Variants in GALNTL6 observed in about 807,000 individuals in gnomAD.
GALNTL6 encodes the protein polypeptide N-acetylgalactosaminyltransferase-like 6.
In GALNTL6, 46 loss-of-function variants were observed where a neutral mutation model predicts 73.7. The ratio of observed to expected loss-of-function variants is 0.62; its 90% CI spans 0.49 to 0.80. The LOEUF (loss-of-function observed/expected upper bound fraction) is 0.80, where lower values mean the gene tolerates loss of function less well. GALNTL6 is among the 30% of genes least tolerant of loss of function. The pLI, the probability that GALNTL6 is intolerant of heterozygous loss-of-function variation, is 0.00. For missense variants in GALNTL6, 604 were observed against 755.0 expected (o/e 0.80, Z 2.34); for synonymous variants, 259 against 263.7 (o/e 0.98, Z 0.17).
chr4:172,527,324 A>G (rs1417072990), intron 5 of GALNTL6, among the ~76,000 whole-genome samples: 2 of 152,286 alleles, frequency 1.3e-5, no homozygotes, highest in East Asian at 3.9e-4. Flanking sequence ...CACTGACCCT[A>G]GGTTACAGAG....
chr4:172,576,395 A>G (rs1207439866), intron 5 of GALNTL6, among the ~76,000 whole-genome samples: 1 of 152,224 alleles, frequency 6.6e-6, no homozygotes, highest in Non-Finnish European at 1.5e-5. Context: ...GAATGACTCA[A>G]AAGGCTTCTG....
At chr4:171,969,783 T>TC (rs1435611815) in intron 2 of GALNTL6, among the ~76,000 whole-genome samples, 3 of 151,662 alleles carry the variant, frequency 2.0e-5, no homozygotes, top group East Asian at 3.9e-4. Flanking sequence ...TTTTTTTTTT[T>TC]CCTTGAGATG....
chr4:172,463,503 G>A (rs566541135), intron 5 of GALNTL6, among the ~76,000 whole-genome samples: 10 of 152,262 alleles, frequency 6.6e-5, no homozygotes, highest in South Asian at 4.1e-4. Flanking sequence ...TTGTAAATGC[G>A]TGTTTCTATT....
intron 5 of GALNTL6, among the ~76,000 whole-genome samples, chr4:172,748,048 A>C (rs1355206130): frequency 6.6e-6 from 1 of 152,194 alleles, no homozygotes; most frequent in Non-Finnish European, 1.5e-5. Flanking sequence ...CAATTTTACT[A>C]TAGATTAATT....
At chr4:172,248,448 G>A (rs1480944195) in intron 3 of GALNTL6, among the ~76,000 whole-genome samples, 1 of 152,098 alleles carries the variant, frequency 6.6e-6, no homozygotes. Context: ...AGGCAAAAAA[G>A]ACCCTAGATG....
chr4:172,496,595 A>G (rs1734080709), intron 5 of GALNTL6, among the ~76,000 whole-genome samples: 1 of 152,110 alleles, frequency 6.6e-6, no homozygotes, highest in African/African-American at 2.4e-5. Flanking sequence ...AGGTGGGGGG[A>G]TCACTTGAAC....
At chr4:171,996,723 C>CAAAAAA (rs35734964) in intron 2 of GALNTL6, among the ~76,000 whole-genome samples, 2 of 94,184 alleles carry the variant, frequency 2.1e-5, no homozygotes, top group Non-Finnish European at 2.3e-5. Context: ...AGCTGACGAG[C>CAAAAAA]AAAAAAAAAA....
intron 7 of GALNTL6, among the ~76,000 whole-genome samples, chr4:172,841,729 A>G (rs1743220552): frequency 6.6e-6 from 1 of 152,162 alleles, no homozygotes; most frequent in Admixed American, 6.5e-5. Context: ...GCATGGGGGA[A>G]ACCACCTCCA....
chr4:172,663,361 T>G (rs1429832303), intron 5 of GALNTL6, among the ~76,000 whole-genome samples: 1 of 150,760 alleles, frequency 6.6e-6, no homozygotes, highest in Non-Finnish European at 1.5e-5. Context: ...CCTAGAAGGA[T>G]AGATAACTGG....
intron 5 of GALNTL6, among the ~76,000 whole-genome samples, chr4:172,482,471 A>G (rs1353035294): frequency 6.6e-6 from 1 of 152,248 alleles, no homozygotes; most frequent in Non-Finnish European, 1.5e-5. Flanking sequence ...AGGCTTTACA[A>G]ATTGATGGGA....
chr4:172,023,440 G>A (rs956749768), intron 2 of GALNTL6, among the ~76,000 whole-genome samples: 2 of 151,518 alleles, frequency 1.3e-5, no homozygotes, highest in Admixed American at 6.6e-5. Context: ...GTATCTTTTC[G>A]TAAGTCAAAC....
At chr4:172,575,240 A>G (rs1423703652) in intron 5 of GALNTL6, among the ~76,000 whole-genome samples, 1 of 152,016 alleles carries the variant, frequency 6.6e-6, no homozygotes, top group Non-Finnish European at 1.5e-5. Context: ...TACTCCTTTT[A>G]TTTTCCAGTC....
intron 2 of GALNTL6, among the ~76,000 whole-genome samples, chr4:171,871,221 C>T (rs1274501370): frequency 6.6e-6 from 1 of 151,906 alleles, no homozygotes; most frequent in East Asian, 1.9e-4. Context: ...CTATATTTAT[C>T]ATGTTTTTCC....
chr4:171,930,425 G>A (rs1279385345), intron 2 of GALNTL6, among the ~76,000 whole-genome samples: 1 of 152,148 alleles, frequency 6.6e-6, no homozygotes, highest in Admixed American at 6.5e-5. Context: ...CTACAAGAAA[G>A]AGTCTCAACA....
At chr4:172,039,858 T>C (rs1350758242) in intron 2 of GALNTL6, among the ~76,000 whole-genome samples, 2 of 152,150 alleles carry the variant, frequency 1.3e-5, no homozygotes, top group African/African-American at 4.8e-5. Flanking sequence ...GTTAACATAT[T>C]TTATTCCAGT....
chr4:171,894,862 C>T (rs1301263555), intron 2 of GALNTL6, among the ~76,000 whole-genome samples: 1 of 150,980 alleles, frequency 6.6e-6, no homozygotes, highest in Admixed American at 6.6e-5. Flanking sequence ...CATGGAAATT[C>T]AAGGATAAAA....
intron 2 of GALNTL6, among the ~76,000 whole-genome samples, chr4:172,096,021 T>C (rs1365248868): frequency 6.6e-6 from 1 of 151,790 alleles, no homozygotes; most frequent in Non-Finnish European, 1.5e-5. Flanking sequence ...ATATCAAGCT[T>C]CCTGGATTGA....
At chr4:171,854,093 T>C (rs983101023) in intron 2 of GALNTL6, among the ~76,000 whole-genome samples, 1 of 152,194 alleles carries the variant, frequency 6.6e-6, no homozygotes, top group Non-Finnish European at 1.5e-5. Context: ...TATACGCATA[T>C]ACTCTTGCTG....
chr4:172,742,508 G>C (rs1403419457), intron 5 of GALNTL6, among the ~76,000 whole-genome samples: 1 of 151,380 alleles, frequency 6.6e-6, no homozygotes, highest in Non-Finnish European at 1.5e-5. Flanking sequence ...TTCAAGTAAA[G>C]ATATTTCTTC....
Sources: gnomAD v4.1 joint callset for allele counts (sites outside exome capture counted in the v4.1 genomes callset) on GRCh38, gnomAD v4.1.1 for gene constraint, MANE v1.5 for transcripts, NCBI Gene and HGNC (gene_info 2026-07-23, HGNC 2026-07-21) for gene names.